THAP4: variants seen among roughly 807,000 people sequenced by gnomAD.
The protein encoded by THAP4 is peroxynitrite isomerase THAP4.
In THAP4, 18 loss-of-function variants were observed where a neutral mutation model predicts 48.1. The observed-to-expected ratio is 0.37, with a 90% CI of 0.26 to 0.56. THAP4 has a LOEUF of 0.56. Ranked by LOEUF, THAP4 falls within the 20% of genes least tolerant of loss-of-function variation. The probability of loss-of-function intolerance (pLI) is 0.78; values close to 1 mark genes in which losing one functional copy is unlikely to be tolerated. For missense variants in THAP4, 656 were observed against 774.9 expected, an observed-to-expected ratio of 0.85 and a Z score of 1.82; for synonymous variants, 345 against 324.9, an observed-to-expected ratio of 1.06 and a Z score of -0.66.
At position 241,633,833 on chromosome 2, in the gene THAP4, G is replaced by A. The variant is rs759433368; in HGVS notation, c.324C>T (p.Ala108=). The change falls in exon 2 of 6, where the codon GCC becomes GCT. Residue 108 remains alanine (A), a synonymous_variant. Transcript: ENST00000407315. The surrounding 1 kb of genome is among the most constrained non-coding windows in gnomAD (Gnocchi z 7.5). ...GRTRRKDASK[A]TGGVRGHSSA... ...TCGAGTGTCCCCTCACACCCCCTGT[G>A]GCCTTGCTGGCATCTTTTCTCCGGG... is the stretch of plus-strand genomic sequence containing the variant. 1.9e-6 allele frequency: 3 copies of A among 1,613,788 alleles called. No individual in the cohort carries two copies. The highest frequency in any genetic ancestry group is 3.3e-5 in the Admixed American group (2 of 60,024).
At chr2:241,602,941 G>A in intron 4 of THAP4, 29 bp downstream of exon 4, 1 of 1,558,190 alleles carries the variant, frequency 6.4e-7, no homozygotes, top group Non-Finnish European at 8.8e-7. Flanking sequence ...CCCATGGCCA[G>A]CCCTCCCGCC....
At chr2:241,637,454 G>C (rs2067696696), upstream of THAP4, 2 of 1,470,814 alleles carry the variant, frequency 1.4e-6, no homozygotes, top group Non-Finnish European at 1.8e-6. Flanking sequence ...GCCACCCATG[G>C]CACACAGTGT....
chr2:241,630,552 G>A (rs573979715), intron 2 of THAP4, among the ~76,000 whole-genome samples: 1 of 152,294 alleles, frequency 6.6e-6, no homozygotes, highest in Admixed American at 6.5e-5. Flanking sequence ...GCCGAGGCGG[G>A]TGGATCACCT....
intron 1 of THAP4, among the ~76,000 whole-genome samples, chr2:241,635,797 C>A (rs535954012): frequency 3.2e-4 from 48 of 152,042 alleles, no homozygotes; most frequent in South Asian, 8.3e-4. Context: ...GAAAAAAAAA[C>A]CAGGCCCTAA....
intron 4 of THAP4, 101 bp downstream of exon 4, chr2:241,602,869 T>C (rs919559596): frequency 2.2e-6 from 2 of 906,058 alleles, no homozygotes; most frequent in African/African-American, 3.2e-5. Flanking sequence ...CACCAGCACA[T>C]GCCTCAGCAG....
chr2:241,632,339 A>T (rs2067575706), intron 2 of THAP4, among the ~76,000 whole-genome samples: 1 of 152,170 alleles, frequency 6.6e-6, no homozygotes, highest in East Asian at 1.9e-4. Flanking sequence ...ACCTCAAGTG[A>T]TCTGCCCACC....
intron 5 of THAP4, chr2:241,594,633 C>T: frequency 6.5e-6 from 2 of 306,886 alleles, no homozygotes. Flanking sequence ...TGGTGCATAC[C>T]TGTGGCCCCA....
intron 2 of THAP4, among the ~76,000 whole-genome samples, chr2:241,627,420 C>T (rs750468725): frequency 6.6e-6 from 1 of 152,214 alleles, no homozygotes; most frequent in Non-Finnish European, 1.5e-5. Context: ...AGCAAGACCG[C>T]GAACACGTGG....
Position 241,633,418 on chromosome 2 carries a change from C to T in THAP4, c.739G>A (p.Glu247Lys). 6.2e-7 allele frequency: 1 copy of T among 1,613,818 alleles called. No individual in the cohort carries two copies. The highest frequency in any genetic ancestry group is 8.5e-7 in the Non-Finnish European group (1 of 1,180,018). Residue 247 changes from glutamate (E) to lysine (K), a missense_variant, in exon 2 of 6, where the codon GAA (glutamate) becomes AAA (lysine). Transcript: ENST00000407315. This position sits in a 1 kb window ranked among gnomAD's most constrained non-coding sequence, Gnocchi z 7.5. ...SYSFSSKHTR[E>K]RPSVPREPID... The stretch of plus-strand genomic sequence containing the variant: ...GGCTCTCGGGGGACAGATGGCCTTT[C>T]TCGGGTGTGCTTAGAGGAGAAACTG...
intron 2 of THAP4, among the ~76,000 whole-genome samples, chr2:241,608,507 A>G (rs2067218615): frequency 6.6e-6 from 1 of 152,052 alleles, no homozygotes; most frequent in South Asian, 2.1e-4. Context: ...TAATTAGACA[A>G]TAAGAGAATT....
chr2:241,602,889 T>C lies in THAP4; in HGVS notation c.1510+81A>G, dbSNP rs149599823. On this transcript the variant is annotated intron_variant, in intron 4 of 5. Transcript: ENST00000407315. ...GCACATGCCTCAGCAGGGTTGCACA[T>C]GGGCATCCCTGCACCCCTGCTTCGA... 2.4e-3 allele frequency: 2,554 copies of C among 1,084,500 alleles called. 79 individuals carry two copies. The East Asian group carries it at 0.051, about 22-fold the overall frequency. The allele number at this position is 1,084,500 out of a possible 1,614,324, so 67.2% of individuals were successfully genotyped here.
intron 2 of THAP4, among the ~76,000 whole-genome samples, chr2:241,622,002 C>T (rs539217938): frequency 2.6e-4 from 40 of 151,816 alleles, no homozygotes; most frequent in African/African-American, 7.0e-4. Flanking sequence ...AACTATTCTT[C>T]GGGTGCAAAG....
Position 241,610,188 on chromosome 2 carries a change from G to A in THAP4, c.1241-3715C>T, listed in dbSNP as rs2067247902. Reference sequence around the variant, plus strand: ...CGGGCATGGCCTTCACACTCCCCACGAGGCAGGACAGCCCCGGGCTAGGGT... The same window carrying A: ...CGGGCATGGCCTTCACACTCCCCACAAGGCAGGACAGCCCCGGGCTAGGGT... On this transcript the variant is annotated intron_variant, in intron 2 of 5. Coordinates refer to ENST00000407315, the MANE Select transcript of THAP4 (RefSeq NM_015963.6). This position sits in a 1 kb window ranked among gnomAD's most constrained non-coding sequence, Gnocchi z 4.2. 6.6e-6 allele frequency among the ~76,000 whole-genome samples: 1 copy of A among 152,184 alleles called. No homozygotes were observed. The highest frequency in any genetic ancestry group is 6.5e-5 in the Admixed American group (1 of 15,280).
chr2:241,628,855 G>A (rs1485527926), intron 2 of THAP4, among the ~76,000 whole-genome samples: 1 of 147,066 alleles, frequency 6.8e-6, no homozygotes, highest in Non-Finnish European at 1.5e-5. Context: ...TGAGAGGATC[G>A]CTGGAGCCCA....
At chr2:241,628,098 A>G (rs1575038365) in intron 2 of THAP4, among the ~76,000 whole-genome samples, 1 of 149,192 alleles carries the variant, frequency 6.7e-6, no homozygotes, top group East Asian at 2.0e-4. Context: ...AGCACATCCA[A>G]CCCCCTTCTC....
chr2:241,589,696 A>G (rs1296266022), intron 5 of THAP4, among the ~76,000 whole-genome samples: 2 of 68,206 alleles, frequency 2.9e-5, no homozygotes, highest in East Asian at 6.0e-4. Flanking sequence ...ACCCAAGAGG[A>G]AAAAAAACAT....
At chr2:241,602,231 G>T (rs2067123636) in intron 4 of THAP4, 2 of 559,628 alleles carry the variant, frequency 3.6e-6, no homozygotes, top group Admixed American at 3.1e-5. Flanking sequence ...TCCAGACTGG[G>T]CCCCAGCCCT....
intron 2 of THAP4, among the ~76,000 whole-genome samples, chr2:241,625,797 C>CAAAAAA (rs147602587): frequency 0.016 from 805 of 50,238 alleles, 7 homozygotes; most frequent in Middle Eastern, 0.019. Flanking sequence ...GACTCCGTCT[C>CAAAAAA]AAAAAAAAAA....
chr2:241,608,091 G>C (rs935822733), intron 2 of THAP4, among the ~76,000 whole-genome samples: 5 of 152,136 alleles, frequency 3.3e-5, no homozygotes, highest in African/African-American at 1.2e-4. Context: ...ACAACCTTTG[G>C]ATTATAAATT....
Sources: gnomAD v4.1 joint callset for allele counts (sites outside exome capture counted in the v4.1 genomes callset) on GRCh38, gnomAD v4.1.1 for gene constraint, Gnocchi (gnomAD v3.1) non-coding constraint, MANE v1.5 for transcripts, NCBI Gene and HGNC (gene_info 2026-07-23, HGNC 2026-07-21) for gene names.